EVPLL: variants seen among roughly 807,000 people sequenced by gnomAD.
The protein encoded by EVPLL is envoplakin-like protein.
Under a neutral mutation model 46.2 loss-of-function variants are expected in EVPLL, and 39 were observed. The ratio of observed to expected loss-of-function variants is 0.84; its 90% confidence interval spans 0.65 to 1.10. The LOEUF is 1.10. Among genes scored for constraint, EVPLL ranks in the 50% least tolerant of loss-of-function variants. EVPLL has a pLI of 0.00. For missense variants in EVPLL, 385 were observed against 412.6 expected, an observed-to-expected ratio of 0.93 and a Z score of 0.58; for synonymous variants, 156 against 165.8, an observed-to-expected ratio of 0.94 and a Z score of 0.46.
rs574213593 is a variant in EVPLL, at chr17:18,381,037, G to T, written c.63+37G>T. 7 of 1,555,058 alleles carry T rather than the reference G, an allele frequency of 4.5e-6. No homozygotes were observed. Among genetic ancestry groups the T allele is most frequent in the Non-Finnish European group, 5.2e-6 (6 of 1,149,668 alleles). ...GCAGCAGTTGGCAGGGTGTGGGCAG[G>T]CTGGGTGGCATGGGAGGCCCATCAT... On this transcript the variant is annotated intron_variant, in intron 2 of 10. Coordinates refer to ENST00000399134, the MANE Select transcript of EVPLL (RefSeq NM_001145127.2). This position sits in a 1 kb window ranked among gnomAD's most constrained non-coding sequence, Gnocchi z 4.2.
Position 18,377,891 on chromosome 17 carries a change from C to G in EVPLL, c.-129C>G. ...CAGCACCTGCCTTTATGACCATGTT[C>G]AAGGGACTGAGCAAAGGCTCCCAGG... On this transcript the variant is annotated 5_prime_UTR_variant, in exon 1 of 11. Coordinates refer to ENST00000399134, the MANE Select transcript of EVPLL (RefSeq NM_001145127.2). 1.8e-6 allele frequency: 2 copies of G among 1,109,852 alleles called. No homozygotes were observed. The highest frequency in any genetic ancestry group is 3.1e-5 in the South Asian group (2 of 64,610). The allele number at this position is 1,109,852 out of a possible 1,614,324, so 68.8% of individuals were successfully genotyped here.
At chr17:18,385,074 G>A (rs1987726929) in intron 9 of EVPLL, among the ~76,000 whole-genome samples, 1 of 151,698 alleles carries the variant, frequency 6.6e-6, no homozygotes, top group African/African-American at 2.4e-5. Context: ...GAGGGAGAGA[G>A]AGACAGAGCA....
chr17:18,381,314 C>CA lies in EVPLL; in HGVS notation c.64-52dup. ...GGCTCAGGCCCACAATGATGGGCAG[C>CA]AGGGGTGTGGGGGCTCTGGACCCTG... On this transcript the variant is annotated intron_variant, in intron 2 of 10. Transcript: ENST00000399134. This position sits in a 1 kb window ranked among gnomAD's most constrained non-coding sequence, Gnocchi z 4.2. 8.0e-6 allele frequency: 12 copies of CA among 1,498,418 alleles called. No individual in the cohort carries two copies. Among genetic ancestry groups the CA allele is most frequent in the Non-Finnish European group, 1.1e-5 (12 of 1,120,754 alleles). The allele number at this position is 1,498,418 out of a possible 1,614,324, so 92.8% of individuals were successfully genotyped here. A position where few individuals can be genotyped will look rare whatever the true frequency, so the allele number is the denominator to read the frequency against.
At chr17:18,383,448 C>T (rs893284857) in intron 8 of EVPLL, 44 bp from the exon 9 acceptor site, 4 of 419,256 alleles carry the variant, frequency 9.5e-6, no homozygotes, top group Non-Finnish European at 1.4e-5. Flanking sequence ...GACGTGGGTG[C>T]GGGGGCGGGG....
intron 4 of EVPLL, 80 bp from the exon 5 acceptor site, chr17:18,382,433 T>C (rs1429000399): frequency 7.8e-6 from 12 of 1,530,080 alleles, no homozygotes; most frequent in Non-Finnish European, 1.1e-5. Flanking sequence ...CCAAGTCCAC[T>C]TCTCCGGGTG....
intron 9 of EVPLL, among the ~76,000 whole-genome samples, chr17:18,387,354 C>G (rs569527346): frequency 1.3e-5 from 2 of 151,522 alleles, no homozygotes; most frequent in African/African-American, 2.4e-5. Context: ...TTGTCATGAC[C>G]GCTTTAATCT....
intron 4 of EVPLL, chr17:18,382,159 G>A (rs937914433): frequency 2.0e-5 from 7 of 342,938 alleles, no homozygotes; most frequent in South Asian, 9.7e-5. Flanking sequence ...GGAAGGGCCC[G>A]GGTGCAGCAG....
intron 4 of EVPLL, 27 bp from the exon 5 acceptor site, chr17:18,382,486 G>A (rs1273188122): frequency 1.1e-5 from 17 of 1,551,180 alleles, no homozygotes; most frequent in Non-Finnish European, 1.4e-5. Flanking sequence ...TGGTCCTGTG[G>A]TGACTGAGCC....
chr17:18,382,911 G>A, intron 6 of EVPLL, 47 bp downstream of exon 6: 4 of 1,602,902 alleles, frequency 2.5e-6, no homozygotes, highest in Non-Finnish European at 3.4e-6. Flanking sequence ...GTGGGCCTGG[G>A]TGGCCGCCCG....
chr17:18,388,856 G>C lies in EVPLL; in HGVS notation c.*41-1G>C, dbSNP rs957976422. ...CTCAGTGACCCTTTCTCCTTTTTCA[G>C]CTCTTGCCGCACGTGCAGAGAGAGA... On this transcript the variant is annotated splice_acceptor_variant, in intron 10 of 10. Coordinates refer to ENST00000399134, the MANE Select transcript of EVPLL (RefSeq NM_001145127.2). LOFTEE classifies it low-confidence loss of function (3UTR_SPLICE). 1.3e-5 allele frequency: 2 copies of C among 150,302 alleles called. No individual in the cohort carries two copies. Among genetic ancestry groups the C allele is most frequent in the African/African-American group, 4.9e-5 (2 of 40,738 alleles). The allele number at this position is 150,302 out of a possible 1,614,324, so 9.3% of individuals were successfully genotyped here. A position where few individuals can be genotyped will look rare whatever the true frequency, so the allele number is the denominator to read the frequency against.
At chr17:18,388,596 G>A (rs1454152763) in intron 10 of EVPLL, 2 of 183,848 alleles carry the variant, frequency 1.1e-5, no homozygotes, top group South Asian at 3.2e-4. Context: ...TGTGGCACAA[G>A]CGTGAAGCTC....
chr17:18,385,129 G>A (rs1987729097), intron 9 of EVPLL, among the ~76,000 whole-genome samples: 2 of 150,506 alleles, frequency 1.3e-5, no homozygotes, highest in Non-Finnish European at 3.0e-5. Flanking sequence ...GCAGTTGTAG[G>A]TCACCATCAC....
At chr17:18,382,491 T>C in intron 4 of EVPLL, 22 bp from the exon 5 acceptor site, 1 of 1,551,216 alleles carries the variant, frequency 6.4e-7, no homozygotes, top group Non-Finnish European at 8.7e-7. Flanking sequence ...CTGTGGTGAC[T>C]GAGCCGCCGG....
At chr17:18,382,439 G>A in intron 4 of EVPLL, 74 bp from the exon 5 acceptor site, 6 of 1,535,520 alleles carry the variant, frequency 3.9e-6, no homozygotes, top group East Asian at 2.5e-5. Context: ...CCACTTCTCC[G>A]GGTGGGAGAC....
chr17:18,380,757 C>G (rs892581138), intron 1 of EVPLL, 145 bp from the exon 2 acceptor site: 5 of 682,052 alleles, frequency 7.3e-6, no homozygotes, highest in Non-Finnish European at 1.0e-5. Context: ...CACAGAGCCT[C>G]CTGCAGAGAG....
intron 1 of EVPLL, chr17:18,380,679 C>T: frequency 3.8e-6 from 2 of 520,430 alleles, no homozygotes; most frequent in Middle Eastern, 5.2e-4. Flanking sequence ...ACCACACAGA[C>T]CTGAGACCCT....
chr17:18,383,954 CAA>C lies in EVPLL; in HGVS notation c.876+369_876+370del, dbSNP rs1987688951. Among the ~76,000 whole-genome samples the C allele has an allele frequency of 1.3e-5, 2 of 152,130 alleles. 1 individual carries two copies. Among genetic ancestry groups the C allele is most frequent in the South Asian group, 4.2e-4 (2 of 4,816 alleles). On this transcript the variant is annotated intron_variant, in intron 9 of 10. Coordinates refer to ENST00000399134, the MANE Select transcript of EVPLL (RefSeq NM_001145127.2). The stretch of plus-strand genomic sequence containing the variant: ...GTCCACTGCATTCTAGCCTGGGTGA[CAA>C]AGAGGGACTCCACCTAAAAAATAAA...
intron 1 of EVPLL, among the ~76,000 whole-genome samples, chr17:18,379,511 C>G (rs1440089666): frequency 2.6e-5 from 4 of 152,224 alleles, no homozygotes; most frequent in Admixed American, 6.5e-5. Flanking sequence ...GAGGCGGGAC[C>G]TGAGCAGGAG....
chr17:18,385,540 C>T lies in EVPLL; in HGVS notation c.876+1953C>T, dbSNP rs568965116. Among the ~76,000 whole-genome samples the T allele has an allele frequency of 7.5e-3, 1,089 of 145,290 alleles. 14 individuals carry two copies. The highest frequency in any genetic ancestry group is 0.027 in the African/African-American group (1,046 of 38,414). On this transcript the variant is annotated intron_variant, in intron 9 of 10. Transcript: ENST00000399134. ...CTTCATTTCCTAACAGATACATTCCCTTCTGTGCCTCCTTAATGAGGGCAT... is the reference window on the plus strand; with the variant it reads ...CTTCATTTCCTAACAGATACATTCCTTTCTGTGCCTCCTTAATGAGGGCAT...
Sources: allele counts gnomAD v4.1 joint callset (sites outside exome capture counted in the v4.1 genomes callset), GRCh38; gene constraint gnomAD v4.1.1; non-coding constraint Gnocchi (gnomAD v3.1); transcripts MANE v1.5; gene names NCBI Gene and HGNC (gene_info 2026-07-23, HGNC 2026-07-21).